The following TMEM260 variants were observed in gnomAD, a reference collection of about 807,000 sequenced individuals.
The protein encoded by TMEM260 is transmembrane protein 260.
A neutral mutation model predicts 88.9 loss-of-function variants in TMEM260; 82 were observed. The ratio of observed to expected loss-of-function variants is 0.92; its 90% CI spans 0.77 to 1.11. The LOEUF is 1.11. Ranked by LOEUF, TMEM260 falls within the 50% of genes least tolerant of loss-of-function variation. The pLI is 0.00. For missense variants in TMEM260, 902 were observed against 853.4 expected (o/e 1.06, Z -0.71); for synonymous variants, 314 against 309.3 (o/e 1.02, Z -0.16).
At chr14:56,636,117 TG>T (rs1250950282) in intron 14 of TMEM260, among the ~76,000 whole-genome samples, 1 of 152,178 alleles carries the variant, frequency 6.6e-6, no homozygotes, top group Non-Finnish European at 1.5e-5. Flanking sequence ...TCTAAGGGTC[TG>T]GCCACCTTGG....
intron 15 of TMEM260, among the ~76,000 whole-genome samples, chr14:56,643,789 G>A (rs926772019): frequency 2.0e-5 from 3 of 152,176 alleles, no homozygotes; most frequent in African/African-American, 7.2e-5. Context: ...ATCTCCTTAA[G>A]CTGATAAGCA....
At chr14:56,661,596 T>G in the TMEM260 span, among the ~76,000 whole-genome samples, 1 of 147,920 alleles carries the variant, frequency 6.8e-6, no homozygotes. Flanking sequence ...AAGGAAGGAA[T>G]TAAAAAAGGG....
chr14:56,656,460 T>A, the TMEM260 span, among the ~76,000 whole-genome samples: 8 of 152,174 alleles, frequency 5.3e-5, no homozygotes, highest in African/African-American at 1.9e-4. Flanking sequence ...GTGGCTTAAT[T>A]TCCTTTTCTG....
rs763795560 is a variant in TMEM260 at position 56,609,288 on chromosome 14, A to G, written c.816+3A>G. 1.9e-6 allele frequency: 3 copies of G among 1,613,314 alleles called. No homozygotes were observed. Among genetic ancestry groups the G allele is most frequent in the East Asian group, 2.2e-5 (1 of 44,878 alleles). ...AAGAATATGGAACCTTCAGCCTGGT[A>G]AATTCAGATTTAAAGCCCTTCTAAG... On this transcript the variant is annotated splice_donor_region_variant and intron_variant, in intron 6 of 15. Transcript: ENST00000261556.
At chr14:56,628,175 TC>T (rs1159317487) in intron 12 of TMEM260, among the ~76,000 whole-genome samples, 1 of 152,214 alleles carries the variant, frequency 6.6e-6, no homozygotes, top group African/African-American at 2.4e-5. Flanking sequence ...TTGGGTTGTT[TC>T]AAGTTTGGGG....
rs571045972 is a variant in TMEM260 at position 56,589,804 on chromosome 14, G to A, written c.344+3892G>A. On this transcript the variant is annotated intron_variant, in intron 3 of 15. Coordinates refer to ENST00000261556, the MANE Select transcript of TMEM260 (RefSeq NM_017799.4). The stretch of plus-strand genomic sequence containing the variant: ...TTAATTTGATTAAATTTTAGAAGGC[G>A]AAGACTTGATTCTGAGCACTGTGTC... Among the ~76,000 whole-genome samples, 3 of 152,256 alleles carry A rather than the reference G, an allele frequency of 2.0e-5. 1 individual carries two copies. In the South Asian group the frequency reaches 6.2e-4, roughly 32 times the overall value.
At chr14:56,591,249 CAT>C (rs1360179818) in intron 3 of TMEM260, among the ~76,000 whole-genome samples, 2 of 152,024 alleles carry the variant, frequency 1.3e-5, no homozygotes, top group Non-Finnish European at 2.9e-5. Context: ...GATCATAACT[CAT>C]ATAGATTTGG....
At chr14:56,603,399 A>G (rs905682362) in intron 3 of TMEM260, among the ~76,000 whole-genome samples, 1 of 152,138 alleles carries the variant, frequency 6.6e-6, no homozygotes, top group African/African-American at 2.4e-5. Context: ...GTGAGAATGC[A>G]TTTTTCTGAA....
chr14:56,647,221 C>CA, intron 15 of TMEM260, 22 bp from the exon 16 acceptor site: 1 of 1,568,636 alleles, frequency 6.4e-7, no homozygotes, highest in Non-Finnish European at 8.6e-7. Context: ...AATGGAATAC[C>CA]AACATTTCTG....
In TMEM260 at chr14:56,648,469, GCTT is replaced by G. The variant is rs1448864056; in HGVS notation, c.*976_*978del. Reference sequence around the variant, plus strand: ...CTAAGTAGAGGCCAGAATCTGTAGGGCTTCTTTTCCCCCCAATTGTATAGCTCC... The same window carrying G: ...CTAAGTAGAGGCCAGAATCTGTAGGGCTTTTCCCCCCAATTGTATAGCTCC... On this transcript the variant is annotated 3_prime_UTR_variant, in exon 16 of 16. Coordinates refer to ENST00000261556, the MANE Select transcript of TMEM260 (RefSeq NM_017799.4). 6.6e-6 allele frequency: 1 copy of G among 152,558 alleles called. No homozygotes were observed. Among genetic ancestry groups the G allele is most frequent in the Non-Finnish European group, 1.5e-5 (1 of 68,018 alleles). 9.5% of individuals were successfully genotyped at this position (152,558 alleles called of 1,614,324 possible).
At chr14:56,586,518 A>T (rs979705126) in intron 3 of TMEM260, among the ~76,000 whole-genome samples, 2 of 152,084 alleles carry the variant, frequency 1.3e-5, no homozygotes, top group African/African-American at 4.8e-5. Flanking sequence ...ATTGGTCATT[A>T]GTTTAGAATG....
rs979714931 is a variant in TMEM260 at position 56,621,634 on chromosome 14, G to A, written c.1330G>A (p.Gly444Arg). ...TATCTTACTCAGAGGAGATTTGCCAGGAAATTCTCTCCGTTACATGCATTA... is the reference window on the plus strand; with the variant it reads ...TATCTTACTCAGAGGAGATTTGCCAAGAAATTCTCTCCGTTACATGCATTA... ...AIILLRGDLP[G>R]NSLRYMHYCE... The change falls in exon 11 of 16, where the codon GGA becomes AGA. Residue 444 changes from glycine to arginine, a missense_variant. Physicochemically the swap from Gly to Arg is moderately radical, Grantham distance 125. Transcript: ENST00000261556. 1 of 1,613,276 alleles carries A rather than the reference G, an allele frequency of 6.2e-7. No homozygotes were observed. The highest frequency in any genetic ancestry group is 1.3e-5 in the African/African-American group (1 of 74,890).
intron 15 of TMEM260, among the ~76,000 whole-genome samples, chr14:56,642,999 T>G (rs2139652437): frequency 6.6e-6 from 1 of 152,136 alleles, no homozygotes; most frequent in Middle Eastern, 3.4e-3. Flanking sequence ...AATAACAGGC[T>G]CTGAAATTGA....
At chr14:56,612,435 A>G (rs117076178) in intron 7 of TMEM260, 150 bp downstream of exon 7, 9,861 of 691,974 alleles carry the variant, frequency 0.014, 102 homozygotes, top group Middle Eastern at 0.047. Flanking sequence ...TTGTGTTTAC[A>G]GTTGTCCCTC....
chr14:56,656,921 A>G, the TMEM260 span, among the ~76,000 whole-genome samples: 1 of 152,178 alleles, frequency 6.6e-6, no homozygotes, highest in African/African-American at 2.4e-5. Context: ...CGTGTGCACA[A>G]TTCATTTTCA....
chr14:56,647,505 A>C lies in TMEM260; in HGVS notation c.*8A>C, dbSNP rs772875188. 6.3e-7 allele frequency: 1 copy of C among 1,576,406 alleles called. No individual in the cohort carries two copies. The highest frequency in any genetic ancestry group is 2.0e-5 in the Admixed American group (1 of 50,840). ...AATAGGAAAAATGTCTGAGACAGCA[A>C]AATATGAAAAACCTGCTCATCGTTC... is the stretch of plus-strand genomic sequence containing the variant. On this transcript the variant is annotated 3_prime_UTR_variant, in exon 16 of 16. Coordinates refer to ENST00000261556, the MANE Select transcript of TMEM260 (RefSeq NM_017799.4).
At chr14:56,596,794 A>T (rs7153343) in intron 3 of TMEM260, among the ~76,000 whole-genome samples, 39,341 of 136,132 alleles carry the variant, frequency 0.29, 6,307 homozygotes, top group Non-Finnish European at 0.38. Flanking sequence ...TAAAAAAAAA[A>T]ATATATATAT....
At chr14:56,636,011 C>A (rs995108705) in intron 14 of TMEM260, among the ~76,000 whole-genome samples, 2 of 152,034 alleles carry the variant, frequency 1.3e-5, no homozygotes, top group Non-Finnish European at 2.9e-5. Flanking sequence ...TGTGGGAAAG[C>A]GGGGAAGAAA....
intron 8 of TMEM260, chr14:56,616,248 C>T (rs1887587480): frequency 1.2e-5 from 5 of 411,440 alleles, no homozygotes; most frequent in African/African-American, 2.0e-5. Context: ...TCTAAGTAGA[C>T]AGTCATTTGA....
Sources: gnomAD v4.1 joint callset for allele counts (sites outside exome capture counted in the v4.1 genomes callset) on GRCh38, gnomAD v4.1.1 for gene constraint, MANE v1.5 for transcripts, NCBI Gene and HGNC (gene_info 2026-07-23, HGNC 2026-07-21) for gene names.